The following UTRN variants were observed in gnomAD, a reference collection of about 807,000 sequenced individuals.
The protein encoded by UTRN is utrophin.
Under a neutral mutation model 463.9 loss-of-function variants are expected in UTRN, and 283 were observed. The observed-to-expected ratio is 0.61, with a 90% confidence interval of 0.55 to 0.67. The LOEUF (loss-of-function observed/expected upper bound fraction) is 0.67, where lower values mean the gene tolerates loss of function less well. Ranked by LOEUF, UTRN falls within the 30% of genes least tolerant of loss-of-function variation. The pLI is 0.00. For missense variants in UTRN, 3,922 were observed against 4,084.3 expected, an observed-to-expected ratio of 0.96 and a Z score of 1.08; for synonymous variants, 1,442 against 1,431.5, an observed-to-expected ratio of 1.01 and a Z score of -0.17.
intron 65 of UTRN, among the ~76,000 whole-genome samples, chr6:144,813,866 T>C (rs1442592833): frequency 1.3e-5 from 2 of 152,214 alleles, no homozygotes; most frequent in African/African-American, 2.4e-5. Context: ...TAGAATGCTC[T>C]TGCCTGCTGT....
At chr6:144,476,977 A>G (rs1791277353) in intron 25 of UTRN, among the ~76,000 whole-genome samples, 1 of 152,142 alleles carries the variant, frequency 6.6e-6, no homozygotes, top group Non-Finnish European at 1.5e-5. Flanking sequence ...AATGAGAGAT[A>G]TTAATAAGAG....
chr6:144,423,907 C>A, intron 5 of UTRN, 79 bp from the exon 6 acceptor site: 1 of 1,439,354 alleles, frequency 6.9e-7, no homozygotes, highest in Non-Finnish European at 9.7e-7. Flanking sequence ...TCCAAATGTG[C>A]TAAAATAAAA....
intron 51 of UTRN, among the ~76,000 whole-genome samples, chr6:144,585,683 A>G (rs938991081): frequency 5.3e-5 from 8 of 152,174 alleles, no homozygotes; most frequent in African/African-American, 1.7e-4. Flanking sequence ...TTGTATTTTA[A>G]TTATCAATAG....
chr6:144,593,492 G>T (rs1803328278), intron 51 of UTRN, among the ~76,000 whole-genome samples: 1 of 152,120 alleles, frequency 6.6e-6, no homozygotes, highest in African/African-American at 2.4e-5. Context: ...GTAAGCTTTG[G>T]CCTGCAACCA....
chr6:144,750,702 T>G (rs57932398), intron 55 of UTRN, among the ~76,000 whole-genome samples: 10,247 of 152,242 alleles, frequency 0.067, 1,115 homozygotes, highest in African/African-American at 0.23. Flanking sequence ...CCAGTTCCAT[T>G]ATCCATTCTG....
chr6:144,591,232 G>T (rs1221401001), intron 51 of UTRN, among the ~76,000 whole-genome samples: 1 of 152,082 alleles, frequency 6.6e-6, no homozygotes, highest in Non-Finnish European at 1.5e-5. Flanking sequence ...GACTCACTGG[G>T]GTTCAGATGC....
intron 51 of UTRN, among the ~76,000 whole-genome samples, chr6:144,584,429 T>C (rs1435556523): frequency 6.6e-6 from 1 of 152,180 alleles, no homozygotes; most frequent in Non-Finnish European, 1.5e-5. Context: ...CTTCCTATCA[T>C]ATTTTTAGTA....
chr6:144,779,369 C>T (rs566137109), intron 60 of UTRN, among the ~76,000 whole-genome samples: 1 of 152,266 alleles, frequency 6.6e-6, no homozygotes, highest in South Asian at 2.1e-4. Flanking sequence ...ACAGTTGACC[C>T]TTGACACCCA....
intron 51 of UTRN, among the ~76,000 whole-genome samples, chr6:144,638,617 C>G (rs1235297046): frequency 1.2e-4 from 19 of 152,046 alleles, no homozygotes; most frequent in Admixed American, 1.2e-3. Context: ...AAAGTTAGGT[C>G]TAGGGTATAT....
intron 50 of UTRN, among the ~76,000 whole-genome samples, chr6:144,569,641 G>T (rs1343633746): frequency 6.6e-6 from 1 of 152,110 alleles, no homozygotes; most frequent in African/African-American, 2.4e-5. Flanking sequence ...TGTAGGTCCT[G>T]GTCCTATTGG....
chr6:144,462,583 A>G (rs925344902), intron 22 of UTRN, 71 bp from the exon 23 acceptor site: 8 of 1,392,634 alleles, frequency 5.7e-6, no homozygotes, highest in East Asian at 2.5e-5. Context: ...TTGACTTTAT[A>G]TAGCCCATTT....
At chr6:144,419,959 C>T (rs1051042933) in intron 3 of UTRN, among the ~76,000 whole-genome samples, 6 of 120,998 alleles carry the variant, frequency 5.0e-5, no homozygotes, top group Admixed American at 9.4e-5. Context: ...CACACTTGTG[C>T]GCACACAGAC....
At position 144,717,627 on chromosome 6, in the gene UTRN, CTTTTTTCTT is replaced by C. The variant is rs1198979366; in HGVS notation, c.7810-12723_7810-12715del. On this transcript the variant is annotated intron_variant, in intron 53 of 74. Transcript: ENST00000367545. ...ATTTTTTTCTTTTTCTTTTTCTTTT[CTTTTTTCTT>C]TTTTTTTTTTTTTTTTTGAGACAGA... is the stretch of plus-strand genomic sequence containing the variant. 1.9e-3 allele frequency among the ~76,000 whole-genome samples: 216 copies of C among 112,608 alleles called. 2 individuals are homozygous for C. Among genetic ancestry groups the C allele is most frequent in the Middle Eastern group, 4.9e-3 (1 of 204 alleles). The allele number at this position is 112,608 out of a possible 152,430, so 73.9% of individuals were successfully genotyped here.
At chr6:144,610,081 A>C (rs1805315849) in intron 51 of UTRN, among the ~76,000 whole-genome samples, 2 of 152,038 alleles carry the variant, frequency 1.3e-5, no homozygotes, top group African/African-American at 4.8e-5. Flanking sequence ...AACAAAGATC[A>C]GAGCCAAAAT....
chr6:144,482,035 A>C lies in UTRN; in HGVS notation c.3508-174A>C, dbSNP rs890926027. 4.6e-5 allele frequency among the ~76,000 whole-genome samples: 7 copies of C among 151,828 alleles called. No individual in the cohort carries two copies. In the East Asian group the frequency reaches 1.2e-3, roughly 25 times the overall value. ...CTCTATCTCAAAAACAAAAACAAAAACAAAACCCCACAAAGAACCATTCAC... is the reference window on the plus strand; with the variant it reads ...CTCTATCTCAAAAACAAAAACAAAACCAAAACCCCACAAAGAACCATTCAC... On this transcript the variant is annotated intron_variant, in intron 26 of 74. Transcript: ENST00000367545.
chr6:144,748,520 C>T lies in UTRN; in HGVS notation c.8208+6C>T. The T allele has an allele frequency of 6.2e-7, 1 of 1,606,562 alleles. No individual in the cohort carries two copies. The highest frequency in any genetic ancestry group is 8.5e-7 in the Non-Finnish European group (1 of 1,177,388). On this transcript the variant is annotated splice_donor_region_variant and intron_variant, in intron 55 of 74. Coordinates refer to ENST00000367545, the MANE Select transcript of UTRN (RefSeq NM_007124.3). The stretch of plus-strand genomic sequence containing the variant: ...ATCACATTGAAAAAATCATGGTCAG[C>T]ATCATTGTCTTTGAAGGATTTTTAA...
In UTRN at chr6:144,421,898, T is replaced by C; in HGVS notation, c.162T>C (p.Asn54=). 1.2e-6 allele frequency: 2 copies of C among 1,612,312 alleles called. No homozygotes were observed. The highest frequency in any genetic ancestry group is 1.7e-6 in the Non-Finnish European group (2 of 1,179,204). ...TACAGAGTGGGAAACCACCCATCAA[T>C]GATATGTTCACAGACCTCAAAGATG... The part of the protein sequence containing the change: ...RFSKSGKPPI[N]DMFTDLKDGR... Residue 54 remains asparagine (N), a synonymous_variant, in exon 4 of 75, where the codon AAT becomes AAC. Coordinates refer to ENST00000367545, the MANE Select transcript of UTRN (RefSeq NM_007124.3).
chr6:144,802,832 C>T (rs74300956), intron 64 of UTRN, among the ~76,000 whole-genome samples: 1 of 152,058 alleles, frequency 6.6e-6, no homozygotes, highest in Non-Finnish European at 1.5e-5. Flanking sequence ...ATTTTCCATT[C>T]GTATTCAAAC....
Position 144,511,037 on chromosome 6 carries a change from C to A in UTRN, c.4858C>A (p.Pro1620Thr). The change falls in exon 35 of 75, where the codon CCT (proline) becomes ACT (threonine). Residue 1620 changes from proline to threonine, a missense_variant. This residue lies in a region of UTRN where 2,349 missense variants were observed against 2,303.8 expected (regional missense o/e 1.02). Coordinates refer to ENST00000367545, the MANE Select transcript of UTRN (RefSeq NM_007124.3). ...GCAAAACTTGATTGAGGGCAGTGAG[C>A]CTATTTTAGAAGAGAGGCTCTGCGT... Reference protein sequence around the residue: ...ALQNLIEGSEPILEERLCVLN... With the variant: ...ALQNLIEGSETILEERLCVLN... The A allele has an allele frequency of 1.9e-6, 3 of 1,612,858 alleles. No homozygotes were observed. Among genetic ancestry groups the A allele is most frequent in the South Asian group, 2.2e-5 (2 of 90,958 alleles).
Sources: allele counts gnomAD v4.1 joint callset (sites outside exome capture counted in the v4.1 genomes callset), GRCh38; gene constraint gnomAD v4.1.1; regional missense constraint gnomAD v4.1.1; transcripts MANE v1.5; gene names NCBI Gene and HGNC (gene_info 2026-07-23, HGNC 2026-07-21).